The following MAPK10 variants were observed in gnomAD, a reference collection of about 807,000 sequenced individuals.
MAPK10 encodes the protein JNK3 alpha protein kinase.
MAPK10 carries 25 observed loss-of-function variants against 59.3 expected under a neutral mutation model. That is an observed-to-expected ratio of 0.42 (90% CI 0.31 to 0.59). The LOEUF (loss-of-function observed/expected upper bound fraction) is 0.59, where lower values mean the gene tolerates loss of function less well. Ranked by LOEUF, MAPK10 falls within the 20% of genes least tolerant of loss-of-function variation. MAPK10 has a pLI of 0.15. For synonymous variants in MAPK10, 190 were observed against 200.5 expected (o/e 0.95, Z 0.44); for missense variants, 351 against 568.9 (o/e 0.62, Z 3.90).
At chr4:86,475,787 G>A (rs1753040755) in intron 1 of MAPK10, among the ~76,000 whole-genome samples, 1 of 151,688 alleles carries the variant, frequency 6.6e-6, no homozygotes, top group African/African-American at 2.4e-5. Context: ...TTCTCTCCAT[G>A]TCTCTACTCT....
At chr4:86,244,206 G>T (rs182129615) in intron 2 of MAPK10, among the ~76,000 whole-genome samples, 1 of 152,184 alleles carries the variant, frequency 6.6e-6, no homozygotes, top group East Asian at 1.9e-4. Context: ...AAGGAGGAGA[G>T]ACAAAGTCTG....
intron 6 of MAPK10, 175 bp downstream of exon 6, chr4:86,103,011 A>C: frequency 1.9e-6 from 1 of 516,060 alleles, no homozygotes; most frequent in Non-Finnish European, 3.4e-6. Context: ...TTTACATATC[A>C]CTGGACCCCT....
rs576205660 is a variant in MAPK10 at position 86,024,686 on chromosome 4, A to G, written c.1252+4511T>C. The stretch of plus-strand genomic sequence containing the variant: ...TAGATAGGTTCTGTGAGGAAAAGCA[A>G]GTTCCTTCCTGCTTTCCAACTAGTG... On this transcript the variant is annotated intron_variant, in intron 13 of 13. Coordinates refer to ENST00000641462, the MANE Select transcript of MAPK10 (RefSeq NM_138982.4). The G allele has an allele frequency of 9.2e-5, 14 of 152,318 alleles. No homozygotes were observed. In the South Asian group the frequency reaches 2.7e-3, roughly 29 times the overall value. The allele number at this position is 152,318 out of a possible 1,614,324, so 9.4% of individuals were successfully genotyped here. A position where few individuals can be genotyped will look rare whatever the true frequency, so the allele number is the denominator to read the frequency against.
intron 2 of MAPK10, among the ~76,000 whole-genome samples, chr4:86,242,425 C>T (rs2092788050): frequency 6.6e-6 from 1 of 152,178 alleles, no homozygotes; most frequent in East Asian, 1.9e-4. Flanking sequence ...GTCTGGGCTG[C>T]CCAGATTCCT....
intron 2 of MAPK10, chr4:86,219,895 A>G (rs981082550): frequency 5.3e-4 from 81 of 152,312 alleles, no homozygotes; most frequent in African/African-American, 1.8e-3. Context: ...GTCTACAGAT[A>G]AGTGCTTTGT....
At position 86,016,547 on chromosome 4, in the gene MAPK10, C is replaced by G. The variant is rs2148888323; in HGVS notation, c.*681G>C. The G allele has an allele frequency of 1.3e-5, 2 of 152,880 alleles. No homozygotes were observed. The highest frequency in any genetic ancestry group is 6.8e-3 in the Middle Eastern group (2 of 294). 9.5% of individuals were successfully genotyped at this position (152,880 alleles called of 1,614,324 possible). The stretch of plus-strand genomic sequence containing the variant: ...ATCTTCAAGGGTCTGAGAGAGCTCA[C>G]TCCCCCCATATATTCCCCCTTTACA... On this transcript the variant is annotated 3_prime_UTR_variant, in exon 14 of 14. Coordinates refer to ENST00000641462, the MANE Select transcript of MAPK10 (RefSeq NM_138982.4).
Position 86,443,043 on chromosome 4 carries a change from C to G in MAPK10, c.-122+9987G>C, listed in dbSNP as rs531961939. On this transcript the variant is annotated intron_variant, in intron 1 of 13. Transcript: ENST00000361569. ...ACAGGGACACTGAGAACCACAACTT[C>G]CCTGAGCAGAAACCTCTGAGGGAAC... is the stretch of plus-strand genomic sequence containing the variant. 3.3e-5 allele frequency among the ~76,000 whole-genome samples: 5 copies of G among 152,264 alleles called. No homozygotes were observed. The East Asian group carries it at 9.7e-4, about 29-fold the overall frequency.
At position 86,012,384 on chromosome 4, in the gene MAPK10, C is replaced by T. The variant is rs1741580745; in HGVS notation, c.*4844G>A. On this transcript the variant is annotated 3_prime_UTR_variant, in exon 14 of 14. Transcript: ENST00000641462. The stretch of plus-strand genomic sequence containing the variant: ...GTTGCCAAAATGAAATCATGACACC[C>T]TTCAGAGCTACTGTCGTTACATGCA... 6.6e-6 allele frequency: 1 copy of T among 152,186 alleles called. No homozygotes were observed. Among genetic ancestry groups the T allele is most frequent in the East Asian group, 1.9e-4 (1 of 5,190 alleles). 9.4% of individuals were successfully genotyped at this position (152,186 alleles called of 1,614,324 possible).
intron 4 of MAPK10, among the ~76,000 whole-genome samples, chr4:86,152,838 AATG>A (rs1469384717): frequency 1.3e-5 from 2 of 152,198 alleles, no homozygotes; most frequent in East Asian, 3.8e-4. Flanking sequence ...TAGAGCAGTA[AATG>A]AGAATGCTTC....
chr4:86,384,963 G>A (rs9761579), intron 1 of MAPK10, among the ~76,000 whole-genome samples: 3 of 152,006 alleles, frequency 2.0e-5, no homozygotes, highest in Admixed American at 2.0e-4. Flanking sequence ...CAGATATGAT[G>A]CATTTAGATA....
intron 2 of MAPK10, among the ~76,000 whole-genome samples, chr4:86,339,305 C>G (rs560870182): frequency 2.0e-5 from 3 of 152,144 alleles, no homozygotes; most frequent in Non-Finnish European, 4.4e-5. Context: ...GTAAACCATG[C>G]TCCCACCTCA....
chr4:86,419,416 T>G (rs150606068), intron 1 of MAPK10, among the ~76,000 whole-genome samples: 2 of 152,204 alleles, frequency 1.3e-5, no homozygotes, highest in African/African-American at 2.4e-5. Context: ...TATACATTTA[T>G]GTACACAAAA....
intron 1 of MAPK10, among the ~76,000 whole-genome samples, chr4:86,501,599 C>T (rs1755334221): frequency 6.6e-6 from 1 of 151,818 alleles, no homozygotes; most frequent in African/African-American, 2.4e-5. Flanking sequence ...CCATCTATAA[C>T]TTATCCAGGG....
intron 1 of MAPK10, among the ~76,000 whole-genome samples, chr4:86,593,140 T>C (rs1422825673): frequency 6.6e-6 from 1 of 152,202 alleles, no homozygotes; most frequent in African/African-American, 2.4e-5. Context: ...AGATAAATCA[T>C]TACTATTAAT....
intron 1 of MAPK10, among the ~76,000 whole-genome samples, chr4:86,478,107 T>G (rs967830387): frequency 2.6e-5 from 4 of 152,136 alleles, no homozygotes; most frequent in African/African-American, 9.7e-5. Context: ...AAACAACAAC[T>G]CCTTTCCTTC....
At chr4:86,137,259 T>C (rs998739423) in intron 4 of MAPK10, among the ~76,000 whole-genome samples, 1 of 151,748 alleles carries the variant, frequency 6.6e-6, no homozygotes, top group Non-Finnish European at 1.5e-5. Flanking sequence ...CCACACCTAC[T>C]CCAAAATTGA....
intron 2 of MAPK10, among the ~76,000 whole-genome samples, chr4:86,209,535 C>T (rs774245323): frequency 5.3e-5 from 8 of 151,902 alleles, no homozygotes; most frequent in Admixed American, 1.3e-4. Flanking sequence ...AAACAGCAAA[C>T]GATGGGATAG....
At chr4:86,465,451 G>A (rs1477281815) in intron 1 of MAPK10, among the ~76,000 whole-genome samples, 1 of 152,210 alleles carries the variant, frequency 6.6e-6, no homozygotes, top group Non-Finnish European at 1.5e-5. Flanking sequence ...AAACAAAAAA[G>A]GGGGAGAAAT....
At chr4:86,587,575 C>T (rs1762733322) in intron 1 of MAPK10, among the ~76,000 whole-genome samples, 1 of 152,190 alleles carries the variant, frequency 6.6e-6, no homozygotes, top group Non-Finnish European at 1.5e-5. Flanking sequence ...GGGCAACGTT[C>T]CCATCACAGC....
Sources: allele counts gnomAD v4.1 joint callset (sites outside exome capture counted in the v4.1 genomes callset), GRCh38; gene constraint gnomAD v4.1.1; transcripts MANE v1.5; gene names NCBI Gene and HGNC (gene_info 2026-07-23, HGNC 2026-07-21).